PMPCA: variants seen among roughly 807,000 people sequenced by gnomAD.
PMPCA encodes peptidase, mitochondrial processing subunit alpha, also known as mitochondrial-processing peptidase subunit alpha.
In PMPCA, 47 loss-of-function variants were observed where a neutral mutation model predicts 59.3. That is an observed-to-expected ratio of 0.79 (90% CI 0.63 to 1.01). PMPCA has a LOEUF of 1.01. PMPCA is among the 50% of genes least tolerant of loss of function. The probability of loss-of-function intolerance (pLI) is 0.00; values close to 1 mark genes in which losing one functional copy is unlikely to be tolerated. For synonymous variants in PMPCA, 338 were observed against 290.3 expected (o/e 1.16, Z -1.67); for missense variants, 726 against 704.5 (o/e 1.03, Z -0.34).
At position 136,412,079 on chromosome 9, in the gene PMPCA, C is replaced by T. The variant is rs1217460585; in HGVS notation, c.154C>T (p.Pro52Ser). Residue 52 changes from proline to serine, a missense_variant, in exon 2 of 13, where the codon CCC (proline) becomes TCC (serine). Coordinates refer to ENST00000371717, the MANE Select transcript of PMPCA (RefSeq NM_015160.3). ...IPLSSPLPGV[P>S]KPVFATVDGQ... The stretch of plus-strand genomic sequence containing the variant: ...CCTCTCTTCTCCCTTACCTGGAGTA[C>T]CCAAGCCTGTTTTTGCTACAGTTGA... The T allele has an allele frequency of 1.9e-6, 3 of 1,612,958 alleles. No individual in the cohort carries two copies. The Admixed American group carries it at 5.0e-5, about 27-fold the overall frequency.
chr9:136,422,446 T>C (rs1488847380), intron 12 of PMPCA: 3 of 1,087,250 alleles, frequency 2.8e-6, no homozygotes, highest in Middle Eastern at 4.3e-4. Flanking sequence ...CCAAGTTGTA[T>C]GTGCATCGGA....
chr9:136,412,247 A>G, intron 2 of PMPCA, 48 bp downstream of exon 2: 1 of 1,327,096 alleles, frequency 7.5e-7, no homozygotes, highest in Non-Finnish European at 1.1e-6. Flanking sequence ...TTTAACATGC[A>G]CATGCTTTAG....
In PMPCA at chr9:136,414,599, A is replaced by G. The variant is rs754438094; in HGVS notation, c.484A>G (p.Thr162Ala). 71 of 1,613,720 alleles carry G rather than the reference A, an allele frequency of 4.4e-5. No individual in the cohort carries two copies. The highest frequency in any genetic ancestry group is 5.1e-5 in the Non-Finnish European group (60 of 1,179,700). The stretch of plus-strand genomic sequence containing the variant: ...GTCTGCTGATAGCAAAGGCTTGGAC[A>G]CGGTGGTTGCCTTACTGGCTGATGT... ...AVSADSKGLDTVVALLADVVL... is the reference protein window; with the variant it reads ...AVSADSKGLDAVVALLADVVL... The change falls in exon 5 of 13, where the codon ACG becomes GCG. Residue 162 changes from threonine (T) to alanine (A), a missense_variant. Coordinates refer to ENST00000371717, the MANE Select transcript of PMPCA (RefSeq NM_015160.3).
At chr9:136,414,357 C>T (rs914722811) in intron 4 of PMPCA, among the ~76,000 whole-genome samples, 196 bp from the exon 5 acceptor site, 1 of 152,174 alleles carries the variant, frequency 6.6e-6, no homozygotes, top group Non-Finnish European at 1.5e-5. Flanking sequence ...CCCAAGCGTC[C>T]CTGAAATGTC....
At chr9:136,415,581 C>T (rs1290827671) in intron 5 of PMPCA, among the ~76,000 whole-genome samples, 2 of 152,202 alleles carry the variant, frequency 1.3e-5, no homozygotes, top group East Asian at 1.9e-4. Flanking sequence ...TACAGTCCCA[C>T]GTTAAGATCT....
intron 5 of PMPCA, among the ~76,000 whole-genome samples, chr9:136,415,858 C>T (rs1237974345): frequency 6.6e-6 from 1 of 152,232 alleles, no homozygotes; most frequent in African/African-American, 2.4e-5. Flanking sequence ...GTCTTGAACT[C>T]CTGACCTCAG....
chr9:136,410,954 G>A (rs543145147), intron 1 of PMPCA, among the ~76,000 whole-genome samples: 2 of 152,356 alleles, frequency 1.3e-5, no homozygotes, highest in South Asian at 4.1e-4. Flanking sequence ...CCGGCTGCTG[G>A]GTCCTCTCCC....
At chr9:136,414,754 C>T in intron 5 of PMPCA, 107 bp downstream of exon 5, 1 of 724,664 alleles carries the variant, frequency 1.4e-6, no homozygotes, top group East Asian at 2.6e-5. Context: ...GTAATTGGAG[C>T]TTTAGGCCAA....
At chr9:136,412,334 G>A in intron 2 of PMPCA, 135 bp downstream of exon 2, 1 of 814,796 alleles carries the variant, frequency 1.2e-6, no homozygotes, top group Non-Finnish European at 2.1e-6. Context: ...TTTCATAAAT[G>A]TTGAGCTACA....
chr9:136,422,000 G>T (rs370574999), intron 12 of PMPCA, 24 bp downstream of exon 12: 33 of 1,593,694 alleles, frequency 2.1e-5, no homozygotes, highest in Non-Finnish European at 2.6e-5. Context: ...GGGTAGTGAG[G>T]GGCTGCCGCA....
At position 136,418,081 on chromosome 9, in the gene PMPCA, T is replaced by C. The variant is rs766071255; in HGVS notation, c.962T>C (p.Met321Thr). The C allele has an allele frequency of 2.4e-5, 39 of 1,613,222 alleles. No individual in the cohort carries two copies. Among genetic ancestry groups the C allele is most frequent in the Non-Finnish European group, 3.2e-5 (38 of 1,179,264 alleles). The change falls in exon 8 of 13, where the codon ATG (methionine) becomes ACG (threonine). Residue 321 changes from methionine (M) to threonine (T), a missense_variant. Met to Thr is a moderately conservative substitution (Grantham distance 81). Coordinates refer to ENST00000371717, the MANE Select transcript of PMPCA (RefSeq NM_015160.3). ...CCCATCCCCGAGCTCACGCACATCA[T>C]GGTTGGACTGGAGAGCTGCTCCTTC... Reference protein sequence around the residue: ...PTPIPELTHIMVGLESCSFLE... With the variant: ...PTPIPELTHITVGLESCSFLE...
intron 11 of PMPCA, 97 bp from the exon 12 acceptor site, chr9:136,421,735 C>A: frequency 8.3e-7 from 1 of 1,200,724 alleles, no homozygotes; most frequent in Non-Finnish European, 1.2e-6. Flanking sequence ...TTATGTTCAG[C>A]TTTGGGCACA....
intron 6 of PMPCA, 162 bp from the exon 7 acceptor site, chr9:136,416,789 T>C (rs1835288894): frequency 1.6e-6 from 1 of 628,616 alleles, no homozygotes; most frequent in Non-Finnish European, 2.8e-6. Context: ...ATTTTACTCT[T>C]TATAAATACG....
intron 8 of PMPCA, 31 bp downstream of exon 8, chr9:136,418,140 C>G (rs568108351): frequency 8.1e-5 from 120 of 1,481,232 alleles, no homozygotes; most frequent in Admixed American, 2.2e-4. Flanking sequence ...TGATGGCGTT[C>G]CTGATGCAGT....
intron 4 of PMPCA, 119 bp from the exon 5 acceptor site, chr9:136,414,434 C>A: frequency 1.4e-6 from 1 of 707,694 alleles, no homozygotes; most frequent in South Asian, 1.6e-5. Context: ...GGCTGTTGAG[C>A]AGAGTGTGAG....
In PMPCA at chr9:136,418,813, C is replaced by T. The variant is rs1564423761; in HGVS notation, c.1110-15C>T. 1.9e-6 allele frequency: 3 copies of T among 1,601,696 alleles called. No individual in the cohort carries two copies. The highest frequency in any genetic ancestry group is 1.1e-5 in the South Asian group (1 of 90,842). ...GCGAGTCCCCTTCACTCCCATGACT[C>T]TCGCTTCCTCCCAGGCACCACTGGA... On this transcript the variant is annotated splice_polypyrimidine_tract_variant and intron_variant, in intron 9 of 12. Coordinates refer to ENST00000371717, the MANE Select transcript of PMPCA (RefSeq NM_015160.3).
chr9:136,412,879 T>C lies in PMPCA; in HGVS notation c.424T>C (p.Cys142Arg). 1 of 1,598,884 alleles carries C rather than the reference T, an allele frequency of 6.3e-7. No individual in the cohort carries two copies. The highest frequency in any genetic ancestry group is 8.6e-7 in the Non-Finnish European group (1 of 1,166,436). Residue 142 changes from cysteine to arginine, a missense_variant, in exon 4 of 13, where the codon TGC (cysteine) becomes CGC (arginine). Cys to Arg is a radical substitution (Grantham distance 180). Transcript: ENST00000371717. ...TLEKHGGICD[C>R]QTSRDTTMYA... The stretch of plus-strand genomic sequence containing the variant: ...GGAAAAGCATGGGGGTATCTGTGAC[T>C]GCCAGACATCAAGGTACACCAGCTT...
At position 136,418,870 on chromosome 9, in the gene PMPCA, C is replaced by T. The variant is rs757880321; in HGVS notation, c.1152C>T (p.Tyr384=). ...MYNATSYHHS[Y]EDTGLLCIHA... ...ACGCGACCTCCTACCACCACAGCTACGAGGACACTGGCCTCCTTTGCATCC... is the reference window on the plus strand; with the variant it reads ...ACGCGACCTCCTACCACCACAGCTATGAGGACACTGGCCTCCTTTGCATCC... The change falls in exon 10 of 13, where the codon TAC becomes TAT. Residue 384 remains tyrosine (Y), a synonymous_variant. Transcript: ENST00000371717. 11 of 1,613,576 alleles carry T rather than the reference C, an allele frequency of 6.8e-6. No homozygotes were observed. Among genetic ancestry groups the T allele is most frequent in the Admixed American group, 3.3e-5 (2 of 60,020 alleles).
rs3812583 is a variant in PMPCA at position 136,417,201 on chromosome 9, G to A, written c.884G>A (p.Gly295Glu). ...GACAGATCTGTGGCCCAGTACACTG[G>A]GGGGATTGCCAAGGTGAAGTAGCGG... The part of the protein sequence containing the change: ...DIDRSVAQYT[G>E]GIAKLERDMS... The change falls in exon 7 of 13, where the codon GGG (glycine) becomes GAG (glutamate). Residue 295 changes from glycine (G) to glutamate (E), a missense_variant. Physicochemically the swap from Gly to Glu is moderately conservative, Grantham distance 98. Transcript: ENST00000371717. 1 of 1,578,700 alleles carries A rather than the reference G, an allele frequency of 6.3e-7. No homozygotes were observed. The highest frequency in any genetic ancestry group is 1.3e-5 in the African/African-American group (1 of 74,232).
Sources: allele counts gnomAD v4.1 joint callset (sites outside exome capture counted in the v4.1 genomes callset), GRCh38; gene constraint gnomAD v4.1.1; transcripts MANE v1.5; gene names NCBI Gene and HGNC (gene_info 2026-07-23, HGNC 2026-07-21).